The following KLHL29 variants were observed in gnomAD, a reference collection of about 807,000 sequenced individuals.
KLHL29 encodes the protein kelch-like protein 29.
KLHL29 carries 21 observed loss-of-function variants against 80.4 expected under a neutral mutation model. That is an observed-to-expected ratio of 0.26 (90% CI 0.19 to 0.38). The LOEUF is 0.38. Ranked by LOEUF, KLHL29 falls within the 10% of genes least tolerant of loss-of-function variation. KLHL29 has a pLI of 1.00. For missense variants in KLHL29, 867 were observed against 1,223.9 expected (o/e 0.71, Z 4.35); for synonymous variants, 511 against 526.8 (o/e 0.97, Z 0.41).
rs2149213994 is a variant in KLHL29 at position 23,696,574 on chromosome 2, TC to T, written c.2105+62del. ...TTGCTCACCAAGAACTGAAATCACG[TC>T]ACTCACTGTACCTCCCAACACCCAC... On this transcript the variant is annotated intron_variant, in intron 11 of 13. Transcript: ENST00000486442. The surrounding 1 kb of genome is among the most constrained non-coding windows in gnomAD (Gnocchi z 5.5). 1 of 1,329,654 alleles carries T rather than the reference TC, an allele frequency of 7.5e-7. No individual in the cohort carries two copies. The highest frequency in any genetic ancestry group is 1.0e-6 in the Non-Finnish European group (1 of 979,082). 82.4% of individuals were successfully genotyped at this position (1,329,654 alleles called of 1,614,324 possible).
chr2:23,536,713 CAAAG>C (rs1177889628), intron 2 of KLHL29, among the ~76,000 whole-genome samples: 2 of 151,970 alleles, frequency 1.3e-5, no homozygotes, highest in Non-Finnish European at 2.9e-5. Context: ...GTTAGGAGGA[CAAAG>C]AAAGAATCTA....
Position 23,654,902 on chromosome 2 carries a change from C to T in KLHL29, c.940+12052C>T, listed in dbSNP as rs543072848. Among the ~76,000 whole-genome samples the T allele has an allele frequency of 7.4e-4, 112 of 152,322 alleles. 2 individuals carry two copies. The highest frequency in any genetic ancestry group is 5.0e-3 in the South Asian group (24 of 4,824). On this transcript the variant is annotated intron_variant, in intron 5 of 13. Transcript: ENST00000486442. ...CTGCCTCCAGTGCCCATACCCTTTC[C>T]GCCACACCACACCTTGGGGCTTGCT...
rs1283627057 is a variant in KLHL29, at chr2:23,441,040, T to A, written c.-153-34520T>A. ...AAGACACATGCACACGTATGTTTAT[T>A]GCGGCACTATTCACAATAGCAAAGA... is the stretch of plus-strand genomic sequence containing the variant. On this transcript the variant is annotated intron_variant, in intron 1 of 13. Coordinates refer to ENST00000486442, the MANE Select transcript of KLHL29 (RefSeq NM_052920.2). Among the ~76,000 whole-genome samples the A allele has an allele frequency of 4.6e-5, 7 of 152,268 alleles. No homozygotes were observed. In the South Asian group the frequency reaches 1.0e-3, roughly 23 times the overall value.
intron 1 of KLHL29, among the ~76,000 whole-genome samples, chr2:23,388,877 A>C (rs1666247555): frequency 6.6e-6 from 1 of 151,662 alleles, no homozygotes; most frequent in Non-Finnish European, 1.5e-5. Context: ...GCTTACTGTA[A>C]AGCTTTCTCA....
intron 1 of KLHL29, among the ~76,000 whole-genome samples, chr2:23,440,481 A>G (rs1053950938): frequency 2.6e-5 from 4 of 152,196 alleles, no homozygotes; most frequent in African/African-American, 7.2e-5. Flanking sequence ...GACAAATGGG[A>G]TCTAATTAAA....
intron 1 of KLHL29, among the ~76,000 whole-genome samples, chr2:23,425,863 G>T (rs963085204): frequency 6.6e-6 from 1 of 152,176 alleles, no homozygotes; most frequent in Non-Finnish European, 1.5e-5. Flanking sequence ...TCCAGGCTGG[G>T]TCTCTTTCTT....
At chr2:23,629,392 A>G (rs1304215850) in intron 3 of KLHL29, among the ~76,000 whole-genome samples, 6 of 150,474 alleles carry the variant, frequency 4.0e-5, no homozygotes, top group Admixed American at 2.0e-4. Flanking sequence ...TTTCTAGGTG[A>G]TCTTATTTCA....
intron 3 of KLHL29, among the ~76,000 whole-genome samples, chr2:23,619,653 T>C (rs1457658921): frequency 1.3e-5 from 2 of 152,038 alleles, no homozygotes; most frequent in Admixed American, 1.3e-4. Context: ...CAATGTCTGG[T>C]GTCAGGACTC....
At chr2:23,386,709 C>T (rs1558319262) in intron 1 of KLHL29, among the ~76,000 whole-genome samples, 1 of 152,052 alleles carries the variant, frequency 6.6e-6, no homozygotes, top group African/African-American at 2.4e-5. Context: ...GGTCGCCGCG[C>T]GGGTGCCCGC....
At chr2:23,424,103 C>T (rs1228602841) in intron 1 of KLHL29, among the ~76,000 whole-genome samples, 4 of 152,326 alleles carry the variant, frequency 2.6e-5, no homozygotes, top group East Asian at 3.9e-4. Flanking sequence ...GCACCATCCA[C>T]CACTCCTCTC....
intron 1 of KLHL29, among the ~76,000 whole-genome samples, chr2:23,434,691 T>A (rs1172342716): frequency 6.6e-6 from 1 of 152,258 alleles, no homozygotes; most frequent in African/African-American, 2.4e-5. Flanking sequence ...TCAGATGAAG[T>A]GGCTTTGCAG....
At chr2:23,643,089 G>A (rs1669822390) in intron 5 of KLHL29, 1 of 665,962 alleles carries the variant, frequency 1.5e-6, no homozygotes, top group Non-Finnish European at 2.8e-6. Flanking sequence ...GTAAGAAGAG[G>A]AAGGAAGGGA....
At chr2:23,641,371 C>T (rs1274324010) in intron 4 of KLHL29, among the ~76,000 whole-genome samples, 3 of 152,200 alleles carry the variant, frequency 2.0e-5, no homozygotes, top group East Asian at 1.9e-4. Flanking sequence ...CAGCAAGGCC[C>T]GGCCAGCCTT....
intron 1 of KLHL29, among the ~76,000 whole-genome samples, chr2:23,429,187 G>A (rs1051302339): frequency 5.3e-5 from 8 of 152,178 alleles, no homozygotes; most frequent in Non-Finnish European, 8.8e-5. Flanking sequence ...TGCTCAGCTG[G>A]GCCCTGCTCT....
intron 3 of KLHL29, among the ~76,000 whole-genome samples, chr2:23,589,435 C>A (rs1668201985): frequency 6.6e-6 from 1 of 152,250 alleles, no homozygotes; most frequent in Non-Finnish European, 1.5e-5. Context: ...ACCCTTGGAG[C>A]TGTGGCCTTG....
intron 3 of KLHL29, among the ~76,000 whole-genome samples, chr2:23,583,571 A>T (rs1668039758): frequency 6.6e-6 from 1 of 152,204 alleles, no homozygotes; most frequent in Non-Finnish European, 1.5e-5. Context: ...GAAGGGAAGG[A>T]GCTGGGTGCG....
chr2:23,502,511 A>G (rs1665481991), intron 2 of KLHL29, among the ~76,000 whole-genome samples: 1 of 152,218 alleles, frequency 6.6e-6, no homozygotes, highest in Admixed American at 6.5e-5. Context: ...GGACACTTGC[A>G]CAGGGCCTGG....
chr2:23,564,140 T>C (rs1333599294), intron 3 of KLHL29, among the ~76,000 whole-genome samples: 1 of 152,242 alleles, frequency 6.6e-6, no homozygotes, highest in Non-Finnish European at 1.5e-5. Flanking sequence ...TCTGTCCTTT[T>C]AAGGATACAT....
At chr2:23,487,996 C>A (rs1337879786) in intron 2 of KLHL29, among the ~76,000 whole-genome samples, 1 of 152,168 alleles carries the variant, frequency 6.6e-6, no homozygotes, top group Non-Finnish European at 1.5e-5. Flanking sequence ...AGCCTTTTAA[C>A]CTCCTACGGC....
Sources: gnomAD v4.1 joint callset for allele counts (sites outside exome capture counted in the v4.1 genomes callset) on GRCh38, gnomAD v4.1.1 for gene constraint, Gnocchi (gnomAD v3.1) non-coding constraint, MANE v1.5 for transcripts, NCBI Gene and HGNC (gene_info 2026-07-23, HGNC 2026-07-21) for gene names.